The following RNF24 variants were observed in gnomAD, a reference collection of about 807,000 sequenced individuals.
RNF24 encodes ring finger protein 24.
A neutral mutation model predicts 20.0 loss-of-function variants in RNF24; 14 were observed. The ratio of observed to expected loss-of-function variants is 0.70; its 90% CI spans 0.46 to 1.10. The LOEUF (loss-of-function observed/expected upper bound fraction) is 1.10. Ranked by LOEUF, RNF24 falls within the 50% of genes least tolerant of loss-of-function variation. The pLI is 0.00. For missense variants in RNF24, 124 were observed against 177.6 expected, an observed-to-expected ratio of 0.70 and a Z score of 1.71; for synonymous variants, 45 against 61.1, an observed-to-expected ratio of 0.74 and a Z score of 1.23.
At position 3,933,432 on chromosome 20, in the gene RNF24, C is replaced by T. The variant is rs2090849799; in HGVS notation, c.*631G>A. 2 of 369,848 alleles carry T rather than the reference C, an allele frequency of 5.4e-6. No individual in the cohort carries two copies. Among genetic ancestry groups the T allele is most frequent in the Non-Finnish European group, 9.6e-6 (2 of 208,492 alleles). The allele number at this position is 369,848 out of a possible 1,614,324, so 22.9% of individuals were successfully genotyped here. ...AATGATAAGAGGAAATGGCTTCTGA[C>T]TAGGCCTTTCCAAGCGCATCTCATG... On this transcript the variant is annotated 3_prime_UTR_variant, in exon 6 of 6. Transcript: ENST00000358395.
chr20:3,973,700 AATAG>A (rs1420066962), intron 1 of RNF24, among the ~76,000 whole-genome samples: 1 of 152,150 alleles, frequency 6.6e-6, no homozygotes, highest in African/African-American at 2.4e-5. Flanking sequence ...CCCAATATAA[AATAG>A]ATAATGTGAA....
intron 4 of RNF24, among the ~76,000 whole-genome samples, chr20:3,938,248 A>G (rs2146943581): frequency 6.6e-6 from 1 of 152,316 alleles, no homozygotes; most frequent in South Asian, 2.1e-4. Context: ...TCCTTTGTCA[A>G]TTTATTAGTT....
intron 1 of RNF24, among the ~76,000 whole-genome samples, chr20:3,978,861 T>G (rs879646862): frequency 1.3e-5 from 2 of 151,896 alleles, no homozygotes; most frequent in African/African-American, 2.4e-5. Context: ...ATCCCAGCAC[T>G]TTGGGAGGCC....
chr20:3,974,419 T>C, intron 1 of RNF24: 3 of 1,535,352 alleles, frequency 2.0e-6, no homozygotes, highest in Non-Finnish European at 2.6e-6. Flanking sequence ...TGCAATAAGG[T>C]AGAAAAGGGA....
At position 3,963,996 on chromosome 20, in the gene RNF24, A is replaced by C; in HGVS notation, c.22T>G (p.Tyr8Asp). The C allele has an allele frequency of 6.2e-7, 1 of 1,613,626 alleles. No individual in the cohort carries two copies. Among genetic ancestry groups the C allele is most frequent in the Non-Finnish European group, 8.5e-7 (1 of 1,179,766 alleles). Reference protein sequence around the residue: MSSDFPHYNFRMPNIGFQ... With the variant: MSSDFPHDNFRMPNIGFQ... Reference sequence around the variant, plus strand: ...CCAATATTAGGCATCCTGAAGTTGTAATGTGGGAAATCCGAGCTCATGGAT... The same window carrying C: ...CCAATATTAGGCATCCTGAAGTTGTCATGTGGGAAATCCGAGCTCATGGAT... The change falls in exon 2 of 6, where the codon TAC (tyrosine) becomes GAC (aspartate). Residue 8 changes from tyrosine to aspartate, a missense_variant. Coordinates refer to ENST00000358395, the MANE Select transcript of RNF24 (RefSeq NM_001134337.3).
At chr20:3,984,211 G>A (rs571899633) in intron 1 of RNF24, among the ~76,000 whole-genome samples, 6 of 151,584 alleles carry the variant, frequency 4.0e-5, no homozygotes, top group Non-Finnish European at 5.9e-5. Flanking sequence ...CTCCAGTTTC[G>A]GTAACAGAGC....
At chr20:3,999,485 TG>T (rs1981202555) in intron 1 of RNF24, among the ~76,000 whole-genome samples, 1 of 152,214 alleles carries the variant, frequency 6.6e-6, no homozygotes, top group Non-Finnish European at 1.5e-5. Context: ...CCGGGTGCAG[TG>T]GCTCACGCCT....
At chr20:3,979,576 G>A (rs2147023861) in intron 1 of RNF24, among the ~76,000 whole-genome samples, 1 of 152,318 alleles carries the variant, frequency 6.6e-6, no homozygotes, top group Admixed American at 6.5e-5. Context: ...TCAGGAGGCT[G>A]AGGCAGGAGA....
In RNF24 at chr20:3,982,103, G is replaced by GTCTCTCTCTCTCTCTCTCTCTCTCTCTC. The variant is rs34868373; in HGVS notation, c.-7-18107_-7-18080dup. ...AGCCTGGGCAACAGGGTGAGACCTC[G>GTCTCTCTCTCTCTCTCTCTCTCTCTCTC]TCTCTCTCTCTCTCTCTCTCTCTCT... On this transcript the variant is annotated intron_variant, in intron 1 of 5. Transcript: ENST00000358395. 4.2e-4 allele frequency among the ~76,000 whole-genome samples: 57 copies of GTCTCTCTCTCTCTCTCTCTCTCTCTCTC among 137,116 alleles called. 1 individual carries two copies. The highest frequency in any genetic ancestry group is 6.5e-4 in the Non-Finnish European group (42 of 64,126). 90.0% of individuals were successfully genotyped at this position (137,116 alleles called of 152,430 possible). A position where few individuals can be genotyped will look rare whatever the true frequency, so the allele number is the denominator to read the frequency against.
At chr20:4,008,544 AT>A (rs1982168582) in intron 1 of RNF24, among the ~76,000 whole-genome samples, 1 of 93,566 alleles carries the variant, frequency 1.1e-5, no homozygotes, top group Non-Finnish European at 2.4e-5. Context: ...TATATATATT[AT>A]ATATATATAT....
At chr20:3,959,282 G>C (rs2091176243) in intron 2 of RNF24, among the ~76,000 whole-genome samples, 1 of 152,132 alleles carries the variant, frequency 6.6e-6, no homozygotes. Context: ...GCCTAAGCCA[G>C]AAGTCCAAGA....
chr20:3,988,853 T>C (rs1262685931), intron 1 of RNF24, among the ~76,000 whole-genome samples: 1 of 152,044 alleles, frequency 6.6e-6, no homozygotes, highest in African/African-American at 2.4e-5. Context: ...CCAACCTGAT[T>C]GTAAAGAAGA....
At chr20:4,013,263 T>C (rs1280603419) in intron 1 of RNF24, among the ~76,000 whole-genome samples, 1 of 152,198 alleles carries the variant, frequency 6.6e-6, no homozygotes, top group Non-Finnish European at 1.5e-5. Flanking sequence ...AAGCAAATGT[T>C]TTAAACAGAG....
At position 3,980,106 on chromosome 20, in the gene RNF24, TGA is replaced by T. The variant is rs200163536; in HGVS notation, c.-7-16084_-7-16083del. Among the ~76,000 whole-genome samples the T allele has an allele frequency of 3.4e-4, 52 of 152,316 alleles. 1 individual carries two copies. In the East Asian group the frequency reaches 9.4e-3, roughly 28 times the overall value. On this transcript the variant is annotated intron_variant, in intron 1 of 5. Transcript: ENST00000358395. ...ATTTAAAAACATCCATGAGATAATT[TGA>T]GTATTAATTTTAAATTCTAGAATAG...
At chr20:4,005,026 G>A (rs1162146490) in intron 1 of RNF24, among the ~76,000 whole-genome samples, 1 of 152,196 alleles carries the variant, frequency 6.6e-6, no homozygotes, top group East Asian at 1.9e-4. Context: ...AGAGGTGCCA[G>A]TACAGGATAA....
Position 3,940,193 on chromosome 20 carries a change from C to T in RNF24, c.228+4984G>A, listed in dbSNP as rs146646754. On this transcript the variant is annotated intron_variant, in intron 4 of 5. Transcript: ENST00000358395. ...GGCTGGTCTTGAACTCCTGGGCTCA[C>T]GCAATCCTTCCACCTTGGTCTCCCA... 3.4e-4 allele frequency among the ~76,000 whole-genome samples: 52 copies of T among 152,142 alleles called. 1 individual carries two copies. The highest frequency in any genetic ancestry group is 1.2e-3 in the African/African-American group (51 of 41,498).
intron 1 of RNF24, among the ~76,000 whole-genome samples, chr20:3,964,383 AACC>A (rs1171999300): frequency 6.6e-6 from 1 of 152,260 alleles, no homozygotes; most frequent in East Asian, 1.9e-4. Context: ...TTTAGCCTTT[AACC>A]TAATAACTCA....
intron 1 of RNF24, chr20:4,015,020 C>G (rs1470934792): frequency 6.6e-6 from 1 of 152,366 alleles, no homozygotes; most frequent in Non-Finnish European, 1.5e-5. Flanking sequence ...GCGCGCCCAC[C>G]GCCAACGCGG....
In RNF24 at chr20:3,934,959, C is replaced by A. The variant is rs370965422; in HGVS notation, c.308+35G>T. ...GAAGTTGGTTGATGTGCCTCAAACTCGGGTCCCATTAAGTAATTCCATACC... is the reference window on the plus strand; with the variant it reads ...GAAGTTGGTTGATGTGCCTCAAACTAGGGTCCCATTAAGTAATTCCATACC... On this transcript the variant is annotated intron_variant, in intron 5 of 5. Coordinates refer to ENST00000358395, the MANE Select transcript of RNF24 (RefSeq NM_001134337.3). The surrounding 1 kb of genome is among the most constrained non-coding windows in gnomAD (Gnocchi z 4.0). The A allele has an allele frequency of 6.3e-7, 1 of 1,580,444 alleles. No individual in the cohort carries two copies. Among genetic ancestry groups the A allele is most frequent in the East Asian group, 2.2e-5 (1 of 44,714 alleles).
Sources: allele counts gnomAD v4.1 joint callset (sites outside exome capture counted in the v4.1 genomes callset), GRCh38; gene constraint gnomAD v4.1.1; non-coding constraint Gnocchi (gnomAD v3.1); transcripts MANE v1.5; gene names NCBI Gene and HGNC (gene_info 2026-07-23, HGNC 2026-07-21).